Variants in BACH2 observed in about 807,000 individuals in gnomAD.
BACH2 encodes transcription regulator protein BACH2.
Under a neutral mutation model 61.8 loss-of-function variants are expected in BACH2, and 5 were observed. The observed-to-expected ratio is 0.08, with a 90% CI of 0.04 to 0.17. The LOEUF is 0.17. Among genes scored for constraint, BACH2 ranks in the 10% least tolerant of loss-of-function variants. BACH2 has a pLI of 1.00. For missense variants in BACH2, 824 were observed against 1,091.1 expected (o/e 0.76, Z 3.45); for synonymous variants, 446 against 440.1 (o/e 1.01, Z -0.17).
At position 89,927,942 on chromosome 6, in the gene BACH2, T is replaced by C. The variant is rs1204208799; in HGVS notation, c.*4466A>G. The C allele has an allele frequency of 6.6e-6, 1 of 152,348 alleles. No individual in the cohort carries two copies. The highest frequency in any genetic ancestry group is 1.5e-5 in the Non-Finnish European group (1 of 68,044). 9.4% of individuals were successfully genotyped at this position (152,348 alleles called of 1,614,324 possible). On this transcript the variant is annotated 3_prime_UTR_variant, in exon 9 of 9. Transcript: ENST00000257749. ...TGGGGTCATGAGATGGCTCAGGCAG[T>C]ACTATAAACATACACTTTCAACACA...
At chr6:90,078,527 G>C (rs1177579773) in intron 5 of BACH2, among the ~76,000 whole-genome samples, 1 of 152,120 alleles carries the variant, frequency 6.6e-6, no homozygotes, top group Non-Finnish European at 1.5e-5. Context: ...CTGATCTTTT[G>C]TCCATTTAAT....
At chr6:90,123,769 CA>C (rs796903431) in intron 4 of BACH2, among the ~76,000 whole-genome samples, 1,471 of 33,952 alleles carry the variant, frequency 0.043, 1 homozygote, top group African/African-American at 0.073. Context: ...GACTCCGTCT[CA>C]AAAAAAAAAA....
At chr6:89,988,631 C>T (rs766894556) in intron 6 of BACH2, among the ~76,000 whole-genome samples, 14 of 152,050 alleles carry the variant, frequency 9.2e-5, no homozygotes, top group South Asian at 2.1e-4. Context: ...AGTTGGAGGA[C>T]GCAAGACAAT....
At chr6:90,225,157 G>C (rs1769870405) in intron 3 of BACH2, among the ~76,000 whole-genome samples, 1 of 152,116 alleles carries the variant, frequency 6.6e-6, no homozygotes, top group Admixed American at 6.5e-5. Context: ...GGCCGAGGCG[G>C]GTGGGTCACT....
At position 90,042,368 on chromosome 6, in the gene BACH2, AT is replaced by A. The variant is rs11435980; in HGVS notation, c.-12-33513del. Reference sequence around the variant, plus strand: ...ACACTGCACTCAGCTAGTTTTTTGTATTTTTTTTTTTTGGTAGAGACAGGGT... The same window carrying A: ...ACACTGCACTCAGCTAGTTTTTTGTATTTTTTTTTTTGGTAGAGACAGGGT... On this transcript the variant is annotated intron_variant, in intron 5 of 8. Transcript: ENST00000257749. Among the ~76,000 whole-genome samples the A allele has an allele frequency of 0.01, 1,484 of 144,222 alleles. 55 individuals carry two copies. In the East Asian group the frequency reaches 0.14, roughly 14 times the overall value. The allele number at this position is 144,222 out of a possible 152,430, so 94.6% of individuals were successfully genotyped here. A position where few individuals can be genotyped will look rare whatever the true frequency, so the allele number is the denominator to read the frequency against.
At chr6:90,276,634 A>G (rs6454805) in intron 1 of BACH2, among the ~76,000 whole-genome samples, 42,691 of 152,054 alleles carry the variant, frequency 0.28, 6,361 homozygotes, top group Non-Finnish European at 0.34. Flanking sequence ...TGAGAGAGAG[A>G]GGAAATTTCA....
At chr6:90,066,096 G>T (rs140795724) in intron 5 of BACH2, among the ~76,000 whole-genome samples, 2 of 152,236 alleles carry the variant, frequency 1.3e-5, no homozygotes, top group Admixed American at 1.3e-4. Context: ...CCTGAGGGAA[G>T]GTCTTATTTT....
At chr6:90,110,252 GA>G (rs1370939595) in intron 4 of BACH2, among the ~76,000 whole-genome samples, 1 of 152,200 alleles carries the variant, frequency 6.6e-6, no homozygotes, top group Non-Finnish European at 1.5e-5. Flanking sequence ...TTCTACACCA[GA>G]AATCAACAAG....
intron 4 of BACH2, among the ~76,000 whole-genome samples, chr6:90,110,531 C>G (rs1783123325): frequency 6.6e-6 from 1 of 152,178 alleles, no homozygotes; most frequent in South Asian, 2.1e-4. Context: ...TCAATCTCGT[C>G]AGAAAAAGTC....
chr6:90,181,682 A>G (rs1768170713), intron 4 of BACH2, among the ~76,000 whole-genome samples: 1 of 152,160 alleles, frequency 6.6e-6, no homozygotes, highest in African/African-American at 2.4e-5. Flanking sequence ...CCTGGGCTCA[A>G]GCAATCCTCT....
intron 4 of BACH2, among the ~76,000 whole-genome samples, chr6:90,172,904 A>G (rs2127837936): frequency 6.6e-6 from 1 of 152,222 alleles, no homozygotes; most frequent in East Asian, 1.9e-4. Flanking sequence ...ATAAAACTAT[A>G]AACCAAATAA....
intron 6 of BACH2, among the ~76,000 whole-genome samples, chr6:89,953,355 G>A (rs573413441): frequency 2.0e-5 from 3 of 152,026 alleles, no homozygotes; most frequent in Non-Finnish European, 4.4e-5. Flanking sequence ...TTCCAGTAAC[G>A]GAAATTTCTT....
chr6:90,091,961 T>C (rs145844795), intron 4 of BACH2, among the ~76,000 whole-genome samples: 25 of 152,178 alleles, frequency 1.6e-4, no homozygotes, highest in African/African-American at 5.8e-4. Context: ...CTTTGCCACA[T>C]TCAGGTATAT....
intron 2 of BACH2, among the ~76,000 whole-genome samples, chr6:90,262,441 A>C (rs1771191724): frequency 6.6e-6 from 1 of 152,050 alleles, no homozygotes; most frequent in Non-Finnish European, 1.5e-5. Flanking sequence ...TGTTGTTAGT[A>C]CCCATTCATG....
At chr6:90,192,910 G>C (rs1768623646) in intron 4 of BACH2, among the ~76,000 whole-genome samples, 1 of 152,240 alleles carries the variant, frequency 6.6e-6, no homozygotes, top group South Asian at 2.1e-4. Flanking sequence ...CTTTTTGAGA[G>C]CTCTCTGGAC....
At chr6:89,954,829 G>A (rs1774337363) in intron 6 of BACH2, among the ~76,000 whole-genome samples, 1 of 152,116 alleles carries the variant, frequency 6.6e-6, no homozygotes, top group South Asian at 2.1e-4. Flanking sequence ...TGAAATGATC[G>A]TCATATGGTC....
Position 89,980,395 on chromosome 6 carries a change from G to T in BACH2, c.243+28207C>A, listed in dbSNP as rs558309596. 1.2e-4 allele frequency among the ~76,000 whole-genome samples: 18 copies of T among 152,256 alleles called. 1 individual carries two copies. Among genetic ancestry groups the T allele is most frequent in the African/African-American group, 4.3e-4 (18 of 41,548 alleles). On this transcript the variant is annotated intron_variant, in intron 6 of 8. Coordinates refer to ENST00000257749, the MANE Select transcript of BACH2 (RefSeq NM_021813.4). ...CACCTGGACACACACATGAGCATGG[G>T]GCTCTGTTTGGCCATGTGCTGCTCT...
chr6:89,939,269 C>T (rs1206709287), intron 7 of BACH2, among the ~76,000 whole-genome samples: 1 of 152,150 alleles, frequency 6.6e-6, no homozygotes, highest in Admixed American at 6.5e-5. Context: ...GTCATGTGAA[C>T]AAGCCACCCT....
At chr6:89,988,506 C>G (rs1215036482) in intron 6 of BACH2, among the ~76,000 whole-genome samples, 1 of 152,160 alleles carries the variant, frequency 6.6e-6, no homozygotes, top group Non-Finnish European at 1.5e-5. Flanking sequence ...GAAAATAGCT[C>G]AAAGCCTTTC....
Sources: allele counts gnomAD v4.1 joint callset (sites outside exome capture counted in the v4.1 genomes callset), GRCh38; gene constraint gnomAD v4.1.1; transcripts MANE v1.5; gene names NCBI Gene and HGNC (gene_info 2026-07-23, HGNC 2026-07-21).